PCDHGA4: variants seen among roughly 807,000 people sequenced by gnomAD.
PCDHGA4 encodes protocadherin gamma subfamily A, 4, also known as protocadherin gamma-A4.
A neutral mutation model predicts 54.6 loss-of-function variants in PCDHGA4; 38 were observed. The ratio of observed to expected loss-of-function variants is 0.70; its 90% confidence interval spans 0.54 to 0.91. PCDHGA4 has a LOEUF of 0.91. Among genes scored for constraint, PCDHGA4 ranks in the 40% least tolerant of loss-of-function variants. The probability of loss-of-function intolerance (pLI) is 0.00; values close to 1 mark genes in which losing one functional copy is unlikely to be tolerated. For synonymous variants in PCDHGA4, 511 were observed against 512.9 expected, an observed-to-expected ratio of 1.00 and a Z score of 0.05; for missense variants, 1,298 against 1,220.9, an observed-to-expected ratio of 1.06 and a Z score of -0.94.
At chr5:141,371,075 G>A in intron 1 of PCDHGA4, 1 of 1,613,904 alleles carries the variant, frequency 6.2e-7, no homozygotes, top group Non-Finnish European at 8.5e-7. Context: ...GTACCACCCA[G>A]ATCAGGGTAA....
intron 1 of PCDHGA4, chr5:141,415,733 T>C: frequency 7.1e-7 from 1 of 1,407,484 alleles, no homozygotes; most frequent in Non-Finnish European, 9.3e-7. Context: ...ATTTGATGTT[T>C]ATTAAGGTTT....
At chr5:141,384,697 C>A in intron 1 of PCDHGA4, 1 of 1,614,142 alleles carries the variant, frequency 6.2e-7, no homozygotes, top group South Asian at 1.1e-5. Flanking sequence ...AGATTCAGGC[C>A]AGAACGCCTG....
In PCDHGA4 at chr5:141,476,653, C is replaced by T; in HGVS notation, c.2515-18154C>T. ...CCTATGAGCTGAGCCGAAATGAATA[C>T]TTTGCGCTTCGCGTGCAGACGCGGG... is the stretch of plus-strand genomic sequence containing the variant. On this transcript the variant is annotated intron_variant, in intron 1 of 3. Transcript: ENST00000571252. The surrounding 1 kb of genome is among the most constrained non-coding windows in gnomAD (Gnocchi z 7.6). 6.2e-7 allele frequency: 1 copy of T among 1,614,270 alleles called. No individual in the cohort carries two copies. The highest frequency in any genetic ancestry group is 8.5e-7 in the Non-Finnish European group (1 of 1,180,058).
chr5:141,366,569 C>A (rs766850721), intron 1 of PCDHGA4: 1 of 1,614,110 alleles, frequency 6.2e-7, no homozygotes, highest in Non-Finnish European at 8.5e-7. Context: ...GGATGGGGTT[C>A]GGGCTTTCCT....
At position 141,413,202 on chromosome 5, in the gene PCDHGA4, GGAATC is replaced by G. The variant is rs766359797; in HGVS notation, c.2514+55582_2514+55586del. 6.8e-6 allele frequency: 11 copies of G among 1,611,944 alleles called. No homozygotes were observed. The East Asian group carries it at 2.2e-4, about 33-fold the overall frequency. On this transcript the variant is annotated intron_variant, in intron 1 of 3. Coordinates refer to ENST00000571252, the MANE Select transcript of PCDHGA4 (RefSeq NM_018917.4). ...TGGCCGCTCAAAGGAATCGCTCAAAGGAATCAAAGGATTGCAGCGGGCTGGTCCTG... is the reference window on the plus strand; with the variant it reads ...TGGCCGCTCAAAGGAATCGCTCAAAGAAAGGATTGCAGCGGGCTGGTCCTG...
chr5:141,364,590 C>G lies in PCDHGA4; in HGVS notation c.2514+6969C>G, dbSNP rs751302023. On this transcript the variant is annotated intron_variant, in intron 1 of 3. Transcript: ENST00000571252. ...CCGCGAAGCGGCAGCTTGGTCACCG[C>G]GGGCAGGATAGACCGGGAGGAGCTC... 2.7e-5 allele frequency: 44 copies of G among 1,614,196 alleles called. 1 individual carries two copies. In the South Asian group the frequency reaches 3.6e-4, roughly 13 times the overall value.
chr5:141,476,714 C>A lies in PCDHGA4; in HGVS notation c.2515-18093C>A, dbSNP rs146188020. 1 of 1,614,154 alleles carries A rather than the reference C, an allele frequency of 6.2e-7. No homozygotes were observed. The highest frequency in any genetic ancestry group is 1.1e-5 in the South Asian group (1 of 91,078). ...CAAGTACGCGGAGCTGGTGTTGGAG[C>A]GCGCCCTGGACCGAGAACGGGAGCC... On this transcript the variant is annotated intron_variant, in intron 1 of 3. Transcript: ENST00000571252. This position sits in a 1 kb window ranked among gnomAD's most constrained non-coding sequence, Gnocchi z 7.6.
intron 1 of PCDHGA4, chr5:141,413,304 A>G: frequency 6.2e-7 from 1 of 1,613,982 alleles, no homozygotes; most frequent in Non-Finnish European, 8.5e-7. Context: ...CTGAGGAATT[A>G]GAGAAAGGCT....
intron 1 of PCDHGA4, chr5:141,409,705 G>A (rs747252229): frequency 6.2e-6 from 10 of 1,613,134 alleles, no homozygotes; most frequent in Non-Finnish European, 7.6e-6. Flanking sequence ...CCCTGGCGGT[G>A]TCGTCATACG....
intron 1 of PCDHGA4, chr5:141,383,999 C>A: frequency 1.2e-6 from 2 of 1,613,800 alleles, no homozygotes; most frequent in Non-Finnish European, 1.7e-6. Context: ...ACAGTCATTG[C>A]TCTTTTCTAC....
chr5:141,424,966 T>G (rs913951031), intron 1 of PCDHGA4, among the ~76,000 whole-genome samples: 17 of 152,174 alleles, frequency 1.1e-4, no homozygotes, highest in African/African-American at 3.9e-4. Flanking sequence ...TTGCCCCAAA[T>G]TACTTGGATA....
intron 1 of PCDHGA4, chr5:141,362,370 G>A: frequency 6.2e-7 from 1 of 1,614,042 alleles, no homozygotes; most frequent in South Asian, 1.1e-5. Flanking sequence ...ATTACAGTGA[G>A]GGTACATTGC....
At chr5:141,472,807 G>T (rs573078292) in intron 1 of PCDHGA4, among the ~76,000 whole-genome samples, 43 of 151,782 alleles carry the variant, frequency 2.8e-4, no homozygotes, top group African/African-American at 1.0e-3. Flanking sequence ...CCAACATGGA[G>T]AAACCCCCGT....
chr5:141,390,118 C>G, intron 1 of PCDHGA4: 2 of 1,614,036 alleles, frequency 1.2e-6, no homozygotes, highest in Non-Finnish European at 1.7e-6. Context: ...AGCGAGGGGA[C>G]TTTGCCTTAT....
In PCDHGA4 at chr5:141,485,520, T is replaced by G. The variant is rs2099615008; in HGVS notation, c.2515-9287T>G. On this transcript the variant is annotated intron_variant, in intron 1 of 3. Transcript: ENST00000571252. This position sits in a 1 kb window ranked among gnomAD's most constrained non-coding sequence, Gnocchi z 5.7. ...TTTGTCACCGAAGGTCCTTTGGAAA[T>G]GTACCGAGCAGAGGTAGAGATCGTA... 1 of 1,614,108 alleles carries G rather than the reference T, an allele frequency of 6.2e-7. No homozygotes were observed. The highest frequency in any genetic ancestry group is 8.5e-7 in the Non-Finnish European group (1 of 1,180,012).
Position 141,356,798 on chromosome 5 carries a change from C to T in PCDHGA4, c.1691C>T (p.Thr564Ile), listed in dbSNP as rs760196769. Residue 564 changes from threonine (T) to isoleucine (I), a missense_variant, in exon 1 of 4, where the codon ACA becomes ATA. Transcript: ENST00000571252. ...EQFRDLQLLMTASDSGDPPLS... is the reference protein window; with the variant it reads ...EQFRDLQLLMIASDSGDPPLS... ...TTTAGAGACCTGCAGCTGCTGATGA[C>T]AGCCAGTGACAGTGGAGACCCTCCA... 2 of 1,613,916 alleles carry T rather than the reference C, an allele frequency of 1.2e-6. No homozygotes were observed. The highest frequency in any genetic ancestry group is 8.5e-7 in the Non-Finnish European group (1 of 1,179,910).
chr5:141,443,118 C>A (rs1474257262), intron 1 of PCDHGA4, among the ~76,000 whole-genome samples: 1 of 151,762 alleles, frequency 6.6e-6, no homozygotes, highest in Non-Finnish European at 1.5e-5. Flanking sequence ...GCTTTTCAAA[C>A]CAGATTAAGA....
At chr5:141,409,743 T>C in intron 1 of PCDHGA4, 2 of 1,613,048 alleles carry the variant, frequency 1.2e-6, no homozygotes, top group Non-Finnish European at 1.7e-6. Flanking sequence ...AGCGGGGTGG[T>C]GTTCGCGCAG....
intron 1 of PCDHGA4, chr5:141,360,144 G>A (rs1761438795): frequency 6.3e-7 from 1 of 1,596,148 alleles, no homozygotes; most frequent in Non-Finnish European, 8.6e-7. Context: ...AGATGAAAGC[G>A]AGCTCAGGGA....
Sources: gnomAD v4.1 joint callset for allele counts (sites outside exome capture counted in the v4.1 genomes callset) on GRCh38, gnomAD v4.1.1 for gene constraint, Gnocchi (gnomAD v3.1) non-coding constraint, MANE v1.5 for transcripts, NCBI Gene and HGNC (gene_info 2026-07-23, HGNC 2026-07-21) for gene names.